Variants in PIBF1 observed in about 807,000 individuals in gnomAD.
PIBF1 encodes the protein progesterone-induced-blocking factor 1.
In PIBF1, 90 loss-of-function variants were observed where a neutral mutation model predicts 112.5. The observed-to-expected ratio is 0.80, with a 90% confidence interval of 0.67 to 0.95. The LOEUF (loss-of-function observed/expected upper bound fraction) is 0.95. Ranked by LOEUF, PIBF1 falls within the 40% of genes least tolerant of loss-of-function variation. PIBF1 has a pLI of 0.00. For missense variants in PIBF1, 915 were observed against 852.3 expected (o/e 1.07, Z -0.92); for synonymous variants, 301 against 288.6 (o/e 1.04, Z -0.44).
At chr13:72,848,105 G>T (rs980044898) in intron 9 of PIBF1, among the ~76,000 whole-genome samples, 1 of 152,146 alleles carries the variant, frequency 6.6e-6, no homozygotes, top group African/African-American at 2.4e-5. Flanking sequence ...GATAGCCATG[G>T]TTATTTTTGT....
intron 13 of PIBF1, among the ~76,000 whole-genome samples, chr13:72,918,982 G>T (rs770747044): frequency 3.3e-5 from 5 of 152,176 alleles, no homozygotes; most frequent in African/African-American, 7.2e-5. Context: ...GGGATTACAG[G>T]CATGAGCTAC....
rs1389552401 is a variant in PIBF1 at position 72,848,994 on chromosome 13, GA to G, written c.1224-5058del. 5.3e-5 allele frequency among the ~76,000 whole-genome samples: 8 copies of G among 152,284 alleles called. No individual in the cohort carries two copies. In the East Asian group the frequency reaches 1.3e-3, roughly 26 times the overall value. ...TTTATTCTAAAAAGTGCACCAGGTT[GA>G]AAAATACATTATTTGAATACTCTAG... On this transcript the variant is annotated intron_variant, in intron 9 of 17. Transcript: ENST00000326291.
At chr13:72,787,564 C>T (rs575098500) in intron 2 of PIBF1, among the ~76,000 whole-genome samples, 11 of 152,286 alleles carry the variant, frequency 7.2e-5, no homozygotes, top group East Asian at 1.9e-4. Flanking sequence ...TAACACCACG[C>T]GGTATTTGAT....
At chr13:72,830,945 A>G (rs1182992904) in intron 8 of PIBF1, among the ~76,000 whole-genome samples, 1 of 151,880 alleles carries the variant, frequency 6.6e-6, no homozygotes, top group Non-Finnish European at 1.5e-5. Flanking sequence ...TCAATTTCAG[A>G]ACTTGTTATT....
chr13:72,798,708 A>G (rs746331851), intron 5 of PIBF1, among the ~76,000 whole-genome samples: 22 of 152,118 alleles, frequency 1.4e-4, no homozygotes, highest in Non-Finnish European at 2.5e-4. Context: ...TAGTCTACTA[A>G]CAAAAAAATA....
intron 17 of PIBF1, among the ~76,000 whole-genome samples, chr13:73,010,257 T>C (rs1400724868): frequency 3.4e-5 from 5 of 147,484 alleles, no homozygotes; most frequent in African/African-American, 5.0e-5. Flanking sequence ...TTCTAAATTC[T>C]GTTCTTTTAC....
intron 14 of PIBF1, among the ~76,000 whole-genome samples, chr13:72,946,910 G>C (rs2042163860): frequency 1.3e-5 from 2 of 152,194 alleles, no homozygotes; most frequent in African/African-American, 2.4e-5. Flanking sequence ...CAACTTTTCA[G>C]GCAGACAGTG....
In PIBF1 at chr13:72,835,285, A is replaced by G. The variant is rs1481241739; in HGVS notation, c.1140A>G (p.Glu380=). 3.8e-6 allele frequency: 6 copies of G among 1,594,306 alleles called. No homozygotes were observed. In the South Asian group the frequency reaches 5.7e-5, roughly 15 times the overall value. ...KTEYENKLHD[E]LEQIRLKTNQ... Reference sequence around the variant, plus strand: ...AATATGAAAATAAACTACATGATGAACTAGAACAAATCAGATTGAAAACCA... The same window carrying G: ...AATATGAAAATAAACTACATGATGAGCTAGAACAAATCAGATTGAAAACCA... Residue 380 remains glutamate (E), a synonymous_variant, in exon 9 of 18, where the codon GAA becomes GAG. Transcript: ENST00000326291.
chr13:72,911,580 C>G (rs761072066), intron 12 of PIBF1, among the ~76,000 whole-genome samples: 4 of 151,932 alleles, frequency 2.6e-5, no homozygotes, highest in Admixed American at 1.3e-4. Flanking sequence ...TGACATGGCC[C>G]TTGAATGTAA....
chr13:72,991,950 C>T (rs918212249), intron 16 of PIBF1, among the ~76,000 whole-genome samples: 1 of 152,240 alleles, frequency 6.6e-6, no homozygotes, highest in African/African-American at 2.4e-5. Flanking sequence ...GATCTCCTGA[C>T]CTCGTGATCC....
At chr13:72,962,434 A>G (rs888230010) in intron 14 of PIBF1, among the ~76,000 whole-genome samples, 7 of 152,040 alleles carry the variant, frequency 4.6e-5, no homozygotes, top group Non-Finnish European at 8.8e-5. Flanking sequence ...CTGTCTCTAT[A>G]AAAAATAAAA....
At chr13:72,898,371 CA>C (rs202217912) in intron 11 of PIBF1, among the ~76,000 whole-genome samples, 16,733 of 151,688 alleles carry the variant, frequency 0.11, 1,262 homozygotes, top group Non-Finnish European at 0.17. Context: ...TGAAAGAGCA[CA>C]AACAGACAAT....
intron 5 of PIBF1, among the ~76,000 whole-genome samples, chr13:72,807,751 CA>C (rs1376532188): frequency 6.6e-6 from 1 of 152,180 alleles, no homozygotes; most frequent in Non-Finnish European, 1.5e-5. Context: ...TAATAACTAT[CA>C]ATCAGCTTAT....
At chr13:72,955,849 C>T (rs1025461241) in intron 14 of PIBF1, among the ~76,000 whole-genome samples, 1 of 152,064 alleles carries the variant, frequency 6.6e-6, no homozygotes, top group Admixed American at 6.6e-5. Flanking sequence ...CATATTTTTC[C>T]AATCTGTCAA....
At chr13:72,988,990 A>AT (rs1051511203) in intron 16 of PIBF1, among the ~76,000 whole-genome samples, 1 of 152,190 alleles carries the variant, frequency 6.6e-6, no homozygotes, top group Non-Finnish European at 1.5e-5. Context: ...CTGAGCGGAA[A>AT]TCATGCCACT....
chr13:72,911,339 C>T (rs1429668967), intron 12 of PIBF1, among the ~76,000 whole-genome samples: 1 of 152,076 alleles, frequency 6.6e-6, no homozygotes, highest in Non-Finnish European at 1.5e-5. Context: ...CAGATCCATA[C>T]TTAAATAATA....
chr13:72,973,459 A>G (rs1034715355), intron 15 of PIBF1, 132 bp from the exon 16 acceptor site: 26 of 488,206 alleles, frequency 5.3e-5, no homozygotes, highest in South Asian at 4.4e-5. Context: ...GCTGGTCTGG[A>G]ATATTTATGG....
At chr13:72,787,022 AGT>A (rs2034634951) in intron 2 of PIBF1, among the ~76,000 whole-genome samples, 1 of 152,204 alleles carries the variant, frequency 6.6e-6, no homozygotes, top group South Asian at 2.1e-4. Context: ...AATGTGAGAA[AGT>A]GTGAGTCTGG....
chr13:72,992,652 A>G (rs1357164096), intron 16 of PIBF1, among the ~76,000 whole-genome samples: 1 of 152,090 alleles, frequency 6.6e-6, no homozygotes, highest in Non-Finnish European at 1.5e-5. Context: ...ATAAAAAAAT[A>G]AAAAAATAAT....
Sources: allele counts gnomAD v4.1 joint callset (sites outside exome capture counted in the v4.1 genomes callset), GRCh38; gene constraint gnomAD v4.1.1; transcripts MANE v1.5; gene names NCBI Gene and HGNC (gene_info 2026-07-23, HGNC 2026-07-21).